LUZP2: variants seen among roughly 807,000 people sequenced by gnomAD.
LUZP2 encodes the protein leucine zipper protein 2.
In LUZP2, 52 loss-of-function variants were observed where a neutral mutation model predicts 51.6. The ratio of observed to expected loss-of-function variants is 1.01; its 90% confidence interval spans 0.81 to 1.27. The LOEUF (loss-of-function observed/expected upper bound fraction) is 1.27, where lower values mean the gene tolerates loss of function less well. Among genes scored for constraint, LUZP2 ranks in the 50% most tolerant of loss-of-function variants. The probability of loss-of-function intolerance (pLI) is 0.00; values close to 1 mark genes in which losing one functional copy is unlikely to be tolerated. For synonymous variants in LUZP2, 154 were observed against 137.3 expected, an observed-to-expected ratio of 1.12 and a Z score of -0.85; for missense variants, 436 against 395.4, an observed-to-expected ratio of 1.10 and a Z score of -0.87.
chr11:25,005,188 T>G (rs2133949120), intron 9 of LUZP2, among the ~76,000 whole-genome samples: 1 of 152,232 alleles, frequency 6.6e-6, no homozygotes, highest in Non-Finnish European at 1.5e-5. Flanking sequence ...ATTTCTCTCC[T>G]TGTTCCCTTC....
rs373857713 is a variant in LUZP2, at chr11:25,054,694, C to T, written c.858+4564C>T. Among the ~76,000 whole-genome samples, 6 of 151,580 alleles carry T rather than the reference C, an allele frequency of 4.0e-5. No individual in the cohort carries two copies. The East Asian group carries it at 5.8e-4, about 15-fold the overall frequency. On this transcript the variant is annotated intron_variant, in intron 10 of 11. Coordinates refer to ENST00000336930, the MANE Select transcript of LUZP2 (RefSeq NM_001009909.4). ...AATTGATTTATCCTTATGCTAATACCGTATTTTCTTGTTTTGATTTTTATT... is the reference window on the plus strand; with the variant it reads ...AATTGATTTATCCTTATGCTAATACTGTATTTTCTTGTTTTGATTTTTATT...
chr11:24,522,794 A>G (rs544878522), intron 1 of LUZP2, among the ~76,000 whole-genome samples: 26 of 152,278 alleles, frequency 1.7e-4, no homozygotes, highest in African/African-American at 5.8e-4. Flanking sequence ...CAGAATGACT[A>G]TGAATAAAAA....
intron 1 of LUZP2, among the ~76,000 whole-genome samples, chr11:24,537,088 A>G (rs904323503): frequency 6.6e-6 from 1 of 151,878 alleles, no homozygotes; most frequent in Non-Finnish European, 1.5e-5. Context: ...TGGCAACCCA[A>G]AATAATTACA....
Position 24,984,542 on chromosome 11 carries a change from AT to A in LUZP2, c.765+1250del, listed in dbSNP as rs1168680787. Reference sequence around the variant, plus strand: ...ACATATTTTATATATATATATATATATATATATAATTGTGAATTTTAAAAGC... The same window carrying A: ...ACATATTTTATATATATATATATATAATATATAATTGTGAATTTTAAAAGC... On this transcript the variant is annotated intron_variant, in intron 9 of 11. Transcript: ENST00000336930. Among the ~76,000 whole-genome samples the A allele has an allele frequency of 8.4e-3, 853 of 101,408 alleles. 29 individuals carry two copies. Among genetic ancestry groups the A allele is most frequent in the Non-Finnish European group, 0.012 (618 of 53,440 alleles). The allele number at this position is 101,408 out of a possible 152,430, so 66.5% of individuals were successfully genotyped here.
At chr11:25,048,066 C>T (rs927709032) in intron 9 of LUZP2, among the ~76,000 whole-genome samples, 4 of 152,172 alleles carry the variant, frequency 2.6e-5, no homozygotes, top group African/African-American at 9.7e-5. Context: ...CAGCCTCTGT[C>T]TCCCAATGTG....
chr11:24,904,756 C>A (rs1181100843), intron 5 of LUZP2, among the ~76,000 whole-genome samples: 3 of 151,958 alleles, frequency 2.0e-5, no homozygotes, highest in Admixed American at 6.6e-5. Context: ...AGTAGTAAAT[C>A]CTTACCTATC....
In LUZP2 at chr11:25,038,755, A is replaced by G. The variant is rs74830876; in HGVS notation, c.766-11283A>G. 3.1e-3 allele frequency among the ~76,000 whole-genome samples: 471 copies of G among 152,226 alleles called. 4 individuals are homozygous for G. Among genetic ancestry groups the G allele is most frequent in the African/African-American group, 0.011 (456 of 41,540 alleles). ...AATTTCCAGAGTTCTTGCACTGACT[A>G]TTTCTCATCTGGAAGGGCTAGCATT... is the stretch of plus-strand genomic sequence containing the variant. On this transcript the variant is annotated intron_variant, in intron 9 of 11. Coordinates refer to ENST00000336930, the MANE Select transcript of LUZP2 (RefSeq NM_001009909.4).
At chr11:25,070,591 A>T (rs1269553171) in intron 10 of LUZP2, among the ~76,000 whole-genome samples, 1 of 152,026 alleles carries the variant, frequency 6.6e-6, no homozygotes, top group Non-Finnish European at 1.5e-5. Flanking sequence ...GGAGCATCTT[A>T]GAATCCTGCC....
At chr11:24,497,942 A>G (rs1849877631) in intron 1 of LUZP2, among the ~76,000 whole-genome samples, 2 of 152,164 alleles carry the variant, frequency 1.3e-5, no homozygotes, top group African/African-American at 4.8e-5. Flanking sequence ...TGATGCAGAG[A>G]CCCTAGTCAG....
intron 7 of LUZP2, among the ~76,000 whole-genome samples, chr11:24,951,576 C>G (rs1395680137): frequency 3.3e-5 from 5 of 151,244 alleles, no homozygotes; most frequent in African/African-American, 1.2e-4. Context: ...GCTTCGGAGC[C>G]AATTATATTT....
chr11:24,572,725 A>G (rs1852483235), intron 1 of LUZP2, among the ~76,000 whole-genome samples: 1 of 152,038 alleles, frequency 6.6e-6, no homozygotes, highest in South Asian at 2.1e-4. Flanking sequence ...CTCAGTGCCT[A>G]ATCATTCGTA....
At chr11:24,933,951 T>G (rs2133838378) in intron 7 of LUZP2, among the ~76,000 whole-genome samples, 1 of 152,200 alleles carries the variant, frequency 6.6e-6, no homozygotes, top group South Asian at 2.1e-4. Context: ...CAAAGTACCT[T>G]CTTAAGGGCA....
At chr11:24,998,352 A>G (rs974821202) in intron 9 of LUZP2, among the ~76,000 whole-genome samples, 2 of 152,030 alleles carry the variant, frequency 1.3e-5, no homozygotes, top group African/African-American at 4.8e-5. Flanking sequence ...TGTAAGTTGG[A>G]TTCTTAGGTA....
At chr11:24,607,191 A>T (rs900375521) in intron 1 of LUZP2, among the ~76,000 whole-genome samples, 5 of 151,166 alleles carry the variant, frequency 3.3e-5, no homozygotes, top group Non-Finnish European at 7.4e-5. Flanking sequence ...TTTTGATGTC[A>T]AATCCAAAAA....
At chr11:24,967,187 A>T (rs1405299353) in intron 7 of LUZP2, among the ~76,000 whole-genome samples, 1 of 151,814 alleles carries the variant, frequency 6.6e-6, no homozygotes, top group Non-Finnish European at 1.5e-5. Flanking sequence ...AAGATGTTGG[A>T]GACACATTTT....
rs11529784 is a variant in LUZP2 at position 24,566,091 on chromosome 11, G to T, written c.62+68786G>T. 2.6e-5 allele frequency among the ~76,000 whole-genome samples: 4 copies of T among 151,336 alleles called. No homozygotes were observed. The East Asian group carries it at 5.8e-4, about 22-fold the overall frequency. Reference sequence around the variant, plus strand: ...AGGCATGTACATATAGAAAAAATGCGACCCATGCACATGAAAATAAAGCAG... The same window carrying T: ...AGGCATGTACATATAGAAAAAATGCTACCCATGCACATGAAAATAAAGCAG... On this transcript the variant is annotated intron_variant, in intron 1 of 11. Transcript: ENST00000336930.
At chr11:24,669,459 A>G (rs1022222378) in intron 1 of LUZP2, among the ~76,000 whole-genome samples, 3 of 152,098 alleles carry the variant, frequency 2.0e-5, no homozygotes, top group African/African-American at 7.2e-5. Context: ...GTGCATTTTT[A>G]TAGAACTAAC....
chr11:24,519,909 A>G (rs550220532), intron 1 of LUZP2, among the ~76,000 whole-genome samples: 8 of 152,316 alleles, frequency 5.3e-5, no homozygotes, highest in Non-Finnish European at 7.4e-5. Context: ...ACAGCACAGT[A>G]CCTTTGTTCC....
chr11:24,718,825 T>C (rs1858155521), intron 1 of LUZP2, among the ~76,000 whole-genome samples: 2 of 152,232 alleles, frequency 1.3e-5, no homozygotes, highest in South Asian at 4.1e-4. Context: ...GTGTTAAGGC[T>C]ATACAGTGTA....
Sources: allele counts gnomAD v4.1 joint callset (sites outside exome capture counted in the v4.1 genomes callset), GRCh38; gene constraint gnomAD v4.1.1; transcripts MANE v1.5; gene names NCBI Gene and HGNC (gene_info 2026-07-23, HGNC 2026-07-21).